RHBDL3: variants seen among roughly 807,000 people sequenced by gnomAD.
RHBDL3 encodes rhomboid-related protein 3.
In RHBDL3, 28 loss-of-function variants were observed where a neutral mutation model predicts 48.2. That is an observed-to-expected ratio of 0.58 (90% confidence interval 0.43 to 0.80). The LOEUF is 0.80. Ranked by LOEUF, RHBDL3 falls within the 30% of genes least tolerant of loss-of-function variation. The probability of loss-of-function intolerance (pLI) is 0.00; values close to 1 mark genes in which losing one functional copy is unlikely to be tolerated. For missense variants in RHBDL3, 464 were observed against 542.7 expected (o/e 0.85, Z 1.44); for synonymous variants, 208 against 232.3 (o/e 0.90, Z 0.95).
At chr17:32,279,281 T>A (rs1347897688) in intron 2 of RHBDL3, among the ~76,000 whole-genome samples, 1 of 152,150 alleles carries the variant, frequency 6.6e-6, no homozygotes, top group African/African-American at 2.4e-5. Context: ...CTTATCGTGT[T>A]GCTGTTCACC....
At chr17:32,276,427 G>A (rs997683557) in intron 2 of RHBDL3, among the ~76,000 whole-genome samples, 11 of 152,128 alleles carry the variant, frequency 7.2e-5, no homozygotes, top group African/African-American at 2.4e-4. Flanking sequence ...CTGCAGCCTG[G>A]ACCTAATTTA....
At chr17:32,284,566 G>A (rs2040149223) in intron 2 of RHBDL3, 93 bp from the exon 3 acceptor site, 1 of 1,270,372 alleles carries the variant, frequency 7.9e-7, no homozygotes, top group African/African-American at 1.5e-5. Context: ...GGGGACTAAA[G>A]CCAGTGAATA....
chr17:32,273,977 C>A (rs1597612640), intron 2 of RHBDL3, among the ~76,000 whole-genome samples: 1 of 152,314 alleles, frequency 6.6e-6, no homozygotes, highest in Non-Finnish European at 1.5e-5. Context: ...CTCAAGCGAT[C>A]TGCCTGCCTC....
At chr17:32,292,788 C>T (rs147127558) in intron 4 of RHBDL3, among the ~76,000 whole-genome samples, 1,849 of 122,964 alleles carry the variant, frequency 0.015, 41 homozygotes, top group African/African-American at 0.046. Context: ...GGCGACAGAG[C>T]GAGACTCCAC....
intron 6 of RHBDL3, among the ~76,000 whole-genome samples, chr17:32,303,621 G>A (rs1191099112): frequency 6.6e-6 from 1 of 152,244 alleles, no homozygotes; most frequent in African/African-American, 2.4e-5. Flanking sequence ...GGACTTGGGA[G>A]TCCTCAGTTC....
intron 4 of RHBDL3, among the ~76,000 whole-genome samples, chr17:32,290,489 C>T (rs994824160): frequency 3.3e-5 from 5 of 152,104 alleles, no homozygotes; most frequent in Admixed American, 1.3e-4. Context: ...GCTGAAATAA[C>T]GATCTCGAAG....
chr17:32,303,474 C>G (rs2040634397), intron 6 of RHBDL3, among the ~76,000 whole-genome samples: 1 of 152,118 alleles, frequency 6.6e-6, no homozygotes, highest in Admixed American at 6.5e-5. Context: ...TTTTTCTTTC[C>G]TGTTATATAT....
chr17:32,286,122 C>T (rs550051578), intron 3 of RHBDL3, among the ~76,000 whole-genome samples: 1 of 152,106 alleles, frequency 6.6e-6, no homozygotes, highest in East Asian at 1.9e-4. Context: ...GACTTGGAAC[C>T]CAGCAGTGCC....
chr17:32,284,919 C>A, intron 3 of RHBDL3, 102 bp downstream of exon 3: 1 of 1,078,618 alleles, frequency 9.3e-7, no homozygotes, highest in Non-Finnish European at 1.4e-6. Context: ...TGTTGGCCTG[C>A]AGCATTGAAA....
chr17:32,319,584 G>C (rs1597701188), intron 8 of RHBDL3, among the ~76,000 whole-genome samples: 1 of 152,128 alleles, frequency 6.6e-6, no homozygotes, highest in African/African-American at 2.4e-5. Flanking sequence ...AGTGCGGAGG[G>C]CGGAGGGTCA....
chr17:32,317,226 CT>C lies in RHBDL3; in HGVS notation c.943+936del, dbSNP rs1405618730. On this transcript the variant is annotated intron_variant, in intron 8 of 8. Coordinates refer to ENST00000269051, the MANE Select transcript of RHBDL3 (RefSeq NM_138328.3). ...CATATAATATGCAAACAGAAAAGTG[CT>C]TAAGGACCAGCACCCAGATCAAGAC... 2.0e-5 allele frequency among the ~76,000 whole-genome samples: 3 copies of C among 152,140 alleles called. No homozygotes were observed. In the East Asian group the frequency reaches 5.8e-4, roughly 29 times the overall value.
At chr17:32,287,311 C>A (rs571911294) in intron 3 of RHBDL3, among the ~76,000 whole-genome samples, 1 of 152,236 alleles carries the variant, frequency 6.6e-6, no homozygotes, top group South Asian at 2.1e-4. Context: ...GTGAGAGTGG[C>A]CACAAAATAA....
At chr17:32,281,594 G>C (rs1429650654) in intron 2 of RHBDL3, among the ~76,000 whole-genome samples, 2 of 152,148 alleles carry the variant, frequency 1.3e-5, no homozygotes, top group East Asian at 3.9e-4. Context: ...GTGAGACCCT[G>C]TGATGGAGTA....
intron 2 of RHBDL3, among the ~76,000 whole-genome samples, chr17:32,269,157 C>T (rs1203818792): frequency 1.3e-5 from 2 of 152,004 alleles, no homozygotes; most frequent in African/African-American, 2.4e-5. Context: ...AGACCAGCCT[C>T]GCCAACAAAG....
chr17:32,275,658 C>G lies in RHBDL3; in HGVS notation c.135+7733C>G, dbSNP rs553550512. Among the ~76,000 whole-genome samples the G allele has an allele frequency of 1.6e-4, 24 of 152,286 alleles. 1 individual carries two copies. The highest frequency in any genetic ancestry group is 1.5e-3 in the Admixed American group (23 of 15,294). ...CTCAGCCTGAGTTCAGGCCAGGATG[C>G]CTGTCTCTCCCTAATCAGCCTGGCT... On this transcript the variant is annotated intron_variant, in intron 2 of 8. Coordinates refer to ENST00000269051, the MANE Select transcript of RHBDL3 (RefSeq NM_138328.3).
intron 2 of RHBDL3, among the ~76,000 whole-genome samples, chr17:32,283,490 C>CT (rs1395508575): frequency 6.6e-6 from 1 of 151,524 alleles, no homozygotes; most frequent in East Asian, 1.9e-4. Flanking sequence ...CGCCCGGCTA[C>CT]TTTTTTGTAT....
At chr17:32,287,848 C>T (rs537634851) in intron 3 of RHBDL3, among the ~76,000 whole-genome samples, 61 of 152,278 alleles carry the variant, frequency 4.0e-4, no homozygotes, top group African/African-American at 1.3e-3. Flanking sequence ...TACAGTTGGC[C>T]GTGGAAGGCA....
Position 32,316,268 on chromosome 17 carries a change from C to A in RHBDL3, c.919C>A (p.Arg307=). The change falls in exon 8 of 9, where the codon CGG becomes AGG. Residue 307 remains arginine (R), a synonymous_variant. Transcript: ENST00000269051. ...CATGAAGTGCCAGTTCAAGCTGCTG[C>A]GGATGGCTGTGGCCCTTATCTGTAG... The part of the protein sequence containing the change: ...SGMKCQFKLL[R]MAVALICMSM... 1 of 1,613,768 alleles carries A rather than the reference C, an allele frequency of 6.2e-7. No individual in the cohort carries two copies.
intron 7 of RHBDL3, among the ~76,000 whole-genome samples, chr17:32,311,159 A>G (rs1209321344): frequency 7.9e-5 from 12 of 152,234 alleles, no homozygotes; most frequent in Admixed American, 4.6e-4. Context: ...GCTGTGGGTG[A>G]GTACTATCTC....
Sources: gnomAD v4.1 joint callset for allele counts (sites outside exome capture counted in the v4.1 genomes callset) on GRCh38, gnomAD v4.1.1 for gene constraint, MANE v1.5 for transcripts, NCBI Gene and HGNC (gene_info 2026-07-23, HGNC 2026-07-21) for gene names.